AOAH: variants seen among roughly 807,000 people sequenced by gnomAD.
AOAH encodes acyloxyacyl hydrolase (neutrophil).
AOAH carries 64 observed loss-of-function variants against 92.2 expected under a neutral mutation model. The observed-to-expected ratio is 0.69, with a 90% CI of 0.57 to 0.86. AOAH has a LOEUF of 0.86. AOAH is among the 40% of genes least tolerant of loss of function. AOAH has a pLI of 0.00. For synonymous variants in AOAH, 263 were observed against 254.5 expected (o/e 1.03, Z -0.32); for missense variants, 656 against 694.6 (o/e 0.94, Z 0.62).
intron 13 of AOAH, among the ~76,000 whole-genome samples, chr7:36,562,028 A>G (rs887887942): frequency 3.3e-5 from 5 of 152,232 alleles, no homozygotes; most frequent in African/African-American, 1.2e-4. Context: ...TTTTTATAGT[A>G]GGTGTCCATA....
intron 1 of AOAH, among the ~76,000 whole-genome samples, chr7:36,706,499 T>TA (rs1386751047): frequency 1.3e-5 from 2 of 152,126 alleles, no homozygotes; most frequent in Non-Finnish European, 2.9e-5. Flanking sequence ...TTCATTATGG[T>TA]AAACAAGCAT....
At chr7:36,664,119 A>T (rs1193069998) in intron 3 of AOAH, among the ~76,000 whole-genome samples, 1 of 152,006 alleles carries the variant, frequency 6.6e-6, no homozygotes, top group African/African-American at 2.4e-5. Flanking sequence ...TGGATAACAG[A>T]TCTTTATTAA....
intron 12 of AOAH, among the ~76,000 whole-genome samples, chr7:36,589,775 G>A (rs1789616504): frequency 6.6e-6 from 1 of 152,150 alleles, no homozygotes; most frequent in African/African-American, 2.4e-5. Context: ...GCTTTCAAAT[G>A]AGAAGTCCTT....
At chr7:36,685,278 C>T (rs1430377139) in intron 2 of AOAH, among the ~76,000 whole-genome samples, 3 of 151,996 alleles carry the variant, frequency 2.0e-5, no homozygotes, top group East Asian at 1.9e-4. Context: ...ATTTAAATAC[C>T]GGGCAAGGTT....
intron 11 of AOAH, among the ~76,000 whole-genome samples, chr7:36,601,392 G>C (rs1790575835): frequency 7.1e-6 from 1 of 140,106 alleles, no homozygotes; most frequent in Non-Finnish European, 1.6e-5. Context: ...GAGGGAGAGA[G>C]AGAGAAACAT....
rs1056723522 is a variant in AOAH, at chr7:36,673,413, C to T, written c.290+530G>A. ...ATTAGCCGGTGTGGTGGCACATGCC[C>T]GCCGTAATCCCAGCCTCTTAGGCTA... On this transcript the variant is annotated intron_variant, in intron 3 of 20. Transcript: ENST00000617537. Among the ~76,000 whole-genome samples, 60 of 7,630 alleles carry T rather than the reference C, an allele frequency of 7.9e-3. No individual in the cohort carries two copies. The African/African-American group carries it at 0.12, about 15-fold the overall frequency. The allele number at this position is 7,630 out of a possible 152,430, so 5.0% of individuals were successfully genotyped here.
At chr7:36,555,199 T>A (rs1449906836) in intron 13 of AOAH, among the ~76,000 whole-genome samples, 1 of 151,560 alleles carries the variant, frequency 6.6e-6, no homozygotes, top group East Asian at 1.9e-4. Context: ...CATGAAGGGT[T>A]GTTGAATTTT....
At chr7:36,539,942 C>A (rs996852238) in intron 16 of AOAH, among the ~76,000 whole-genome samples, 1 of 152,148 alleles carries the variant, frequency 6.6e-6, no homozygotes, top group African/African-American at 2.4e-5. Flanking sequence ...TTCTAACAGG[C>A]CACCAGGAAG....
intron 9 of AOAH, among the ~76,000 whole-genome samples, chr7:36,618,700 G>A (rs536880957): frequency 3.9e-5 from 6 of 152,306 alleles, no homozygotes; most frequent in South Asian, 2.1e-4. Context: ...TGAGCTGGAG[G>A]TCTAAGTGTC....
chr7:36,562,874 C>T (rs1052282320), intron 13 of AOAH, among the ~76,000 whole-genome samples: 6 of 152,086 alleles, frequency 3.9e-5, no homozygotes, highest in South Asian at 2.1e-4. Context: ...GCAGGCCAGA[C>T]GCGGTGGCTC....
chr7:36,657,536 C>A (rs1026058203), intron 4 of AOAH, among the ~76,000 whole-genome samples: 3 of 152,132 alleles, frequency 2.0e-5, no homozygotes, highest in Non-Finnish European at 4.4e-5. Flanking sequence ...CCCATTGTCC[C>A]TCTTTTCTGG....
Position 36,530,435 on chromosome 7 carries a change from T to A in AOAH, c.1505A>T (p.Asp502Val), listed in dbSNP as rs1420960377. ...KFTNFNLFYM[D>V]FAFHEIIQEW... ...CTACTTACTTTCATGGAAGGCAAAA[T>A]CCATGTAGAAAAGATTGAAGTTTGT... The change falls in exon 19 of 21, where the codon GAT (aspartate) becomes GTT (valine). Residue 502 changes from aspartate (D) to valine (V), a missense_variant. Transcript: ENST00000617537. 6.2e-7 allele frequency: 1 copy of A among 1,612,866 alleles called. No homozygotes were observed. Among genetic ancestry groups the A allele is most frequent in the Non-Finnish European group, 8.5e-7 (1 of 1,178,900 alleles).
At chr7:36,542,936 T>A (rs953331105) in intron 15 of AOAH, among the ~76,000 whole-genome samples, 2 of 152,192 alleles carry the variant, frequency 1.3e-5, no homozygotes, top group Non-Finnish European at 2.9e-5. Flanking sequence ...TGTATTAATA[T>A]AGAAAGATGG....
At chr7:36,573,886 C>A (rs964288185) in intron 13 of AOAH, among the ~76,000 whole-genome samples, 2 of 152,164 alleles carry the variant, frequency 1.3e-5, no homozygotes, top group African/African-American at 4.8e-5. Context: ...TCAACTCTTC[C>A]CTTTTTCCCC....
intron 12 of AOAH, 60 bp downstream of exon 12, chr7:36,594,279 C>T (rs1408753168): frequency 7.4e-7 from 1 of 1,354,604 alleles, no homozygotes; most frequent in South Asian, 1.2e-5. Flanking sequence ...CAACCCCCAT[C>T]TCTTGTTCTT....
At chr7:36,665,941 T>C (rs1795509244) in intron 3 of AOAH, among the ~76,000 whole-genome samples, 1 of 152,116 alleles carries the variant, frequency 6.6e-6, no homozygotes, top group Non-Finnish European at 1.5e-5. Context: ...ATTTTTTATT[T>C]GATTTGCTAA....
At chr7:36,632,152 A>T (rs1206122251) in intron 5 of AOAH, 46 bp from the exon 6 acceptor site, 1 of 1,522,400 alleles carries the variant, frequency 6.6e-7, no homozygotes, top group East Asian at 2.3e-5. Context: ...TAGTTTAAGG[A>T]GTGGTTCCCC....
At chr7:36,640,481 C>A (rs1793828858) in intron 4 of AOAH, among the ~76,000 whole-genome samples, 2 of 152,118 alleles carry the variant, frequency 1.3e-5, no homozygotes, top group African/African-American at 4.8e-5. Context: ...CCCACCAGCA[C>A]CCTTGAGGCC....
At position 36,548,644 on chromosome 7, in the gene AOAH, T is replaced by C; in HGVS notation, c.1101A>G (p.Ile367Met). ...NKVLDYPAIV[I>M]YAMIGNDVCS... ...AGACATCATTTCCAATCATGGCATATATAACGATGGCGGGATAGTCCAACA... is the reference window on the plus strand; with the variant it reads ...AGACATCATTTCCAATCATGGCATACATAACGATGGCGGGATAGTCCAACA... Residue 367 changes from isoleucine (I) to methionine (M), a missense_variant, in exon 15 of 21, where the codon ATA (isoleucine) becomes ATG (methionine). Physicochemically the swap from Ile to Met is conservative, Grantham distance 10 (BLOSUM62 1). Coordinates refer to ENST00000617537, the MANE Select transcript of AOAH (RefSeq NM_001637.4). 6.2e-7 allele frequency: 1 copy of C among 1,613,850 alleles called. No individual in the cohort carries two copies. Among genetic ancestry groups the C allele is most frequent in the Non-Finnish European group, 8.5e-7 (1 of 1,179,794 alleles).
Sources: allele counts gnomAD v4.1 joint callset (sites outside exome capture counted in the v4.1 genomes callset), GRCh38; gene constraint gnomAD v4.1.1; transcripts MANE v1.5; gene names NCBI Gene and HGNC (gene_info 2026-07-23, HGNC 2026-07-21).